The following KCNMA1 variants were observed in gnomAD, a reference collection of about 807,000 sequenced individuals.
KCNMA1 encodes the protein Calcium-activated potassium channel subunit alpha-1.
KCNMA1 carries 29 observed loss-of-function variants against 140.0 expected under a neutral mutation model. The observed-to-expected ratio is 0.21, with a 90% CI of 0.15 to 0.28. The LOEUF is 0.28. Among genes scored for constraint, KCNMA1 ranks in the 10% least tolerant of loss-of-function variants. KCNMA1 has a pLI of 1.00. For missense variants in KCNMA1, 880 were observed against 1,602.2 expected (o/e 0.55, Z 7.70); for synonymous variants, 612 against 611.9 (o/e 1.00, Z 0.00).
intron 2 of KCNMA1, among the ~76,000 whole-genome samples, chr10:77,368,370 C>T (rs1409712701): frequency 6.6e-6 from 1 of 152,076 alleles, no homozygotes; most frequent in Non-Finnish European, 1.5e-5. Flanking sequence ...AGTCTTTTGC[C>T]CATTTTCCAG....
At chr10:77,532,349 G>T (rs929478448) in intron 1 of KCNMA1, among the ~76,000 whole-genome samples, 137 of 152,322 alleles carry the variant, frequency 9.0e-4, no homozygotes, top group Non-Finnish European at 2.8e-4. Flanking sequence ...GATTCTCCCC[G>T]CCAGTACAGT....
At chr10:77,412,107 G>A (rs2096633045) in intron 1 of KCNMA1, among the ~76,000 whole-genome samples, 1 of 152,202 alleles carries the variant, frequency 6.6e-6, no homozygotes, top group African/African-American at 2.4e-5. Flanking sequence ...AGCCCTTTTG[G>A]GACCAGAGTA....
At chr10:77,401,672 T>C (rs1348457375) in intron 2 of KCNMA1, among the ~76,000 whole-genome samples, 1 of 152,218 alleles carries the variant, frequency 6.6e-6, no homozygotes, top group Non-Finnish European at 1.5e-5. Context: ...TAAGTATTCT[T>C]CACAAATTCC....
intron 20 of KCNMA1, among the ~76,000 whole-genome samples, chr10:76,957,832 T>C (rs182723087): frequency 6.6e-6 from 1 of 152,332 alleles, no homozygotes; most frequent in Admixed American, 6.5e-5. Context: ...ACACACTCAC[T>C]GGATTTCACA....
chr10:77,026,972 A>C (rs2153522436), intron 16 of KCNMA1, among the ~76,000 whole-genome samples: 1 of 152,358 alleles, frequency 6.6e-6, no homozygotes, highest in East Asian at 1.9e-4. Flanking sequence ...GGGCATCTGC[A>C]GGATCAAAAA....
rs2067279545 is a variant in KCNMA1 at position 77,278,288 on chromosome 10, GACAA to G, written c.541-27036_541-27033del. On this transcript the variant is annotated intron_variant, in intron 2 of 27. Transcript: ENST00000286628. ...AGACAAAATAAATGCCCAACAGATAGACAAACAACCATATCAGACCATTTAACCA... is the reference window on the plus strand; with the variant it reads ...AGACAAAATAAATGCCCAACAGATAGACAACCATATCAGACCATTTAACCA... 4.6e-5 allele frequency among the ~76,000 whole-genome samples: 7 copies of G among 152,220 alleles called. No homozygotes were observed. The South Asian group carries it at 1.5e-3, about 32-fold the overall frequency.
intron 1 of KCNMA1, among the ~76,000 whole-genome samples, chr10:77,589,094 A>G (rs1208401524): frequency 6.6e-6 from 1 of 152,252 alleles, no homozygotes; most frequent in Non-Finnish European, 1.5e-5. Context: ...AACTTTATTT[A>G]CAAAACATGC....
intron 1 of KCNMA1, among the ~76,000 whole-genome samples, chr10:77,488,626 C>T (rs2098490805): frequency 6.6e-6 from 1 of 152,094 alleles, no homozygotes; most frequent in Non-Finnish European, 1.5e-5. Flanking sequence ...CCCATCATTT[C>T]CCCCTGTATT....
At chr10:77,626,813 C>T (rs555440314) in intron 1 of KCNMA1, among the ~76,000 whole-genome samples, 22 of 152,300 alleles carry the variant, frequency 1.4e-4, no homozygotes, top group African/African-American at 4.8e-4. Context: ...TCATTCTACC[C>T]ACTGGTAGAA....
chr10:77,423,036 G>A (rs1294536146), intron 1 of KCNMA1, among the ~76,000 whole-genome samples: 1 of 152,234 alleles, frequency 6.6e-6, no homozygotes, highest in East Asian at 1.9e-4. Flanking sequence ...GTGTCCACAT[G>A]AACTCTGAAG....
rs191752876 is a variant in KCNMA1, at chr10:76,944,651, C to T, written c.2902+122G>A. 8.2e-5 allele frequency: 72 copies of T among 874,810 alleles called. No homozygotes were observed. The East Asian group carries it at 1.3e-3, about 16-fold the overall frequency. 54.2% of individuals were successfully genotyped at this position (874,810 alleles called of 1,614,324 possible). Reference sequence around the variant, plus strand: ...CCCCTTTGAAAGCCATCATGGTGACCGCAGGTTTCACTGCCAGGCAGGCTG... The same window carrying T: ...CCCCTTTGAAAGCCATCATGGTGACTGCAGGTTTCACTGCCAGGCAGGCTG... On this transcript the variant is annotated intron_variant, in intron 23 of 27. Coordinates refer to ENST00000286628, the MANE Select transcript of KCNMA1 (RefSeq NM_001161352.2).
At chr10:77,102,175 T>G (rs2097113501) in intron 9 of KCNMA1, among the ~76,000 whole-genome samples, 1 of 152,182 alleles carries the variant, frequency 6.6e-6, no homozygotes, top group Non-Finnish European at 1.5e-5. Flanking sequence ...TCGTGTTAAT[T>G]CCTTTAAGGT....
At chr10:77,236,169 G>A (rs2055372583) in intron 3 of KCNMA1, among the ~76,000 whole-genome samples, 1 of 152,114 alleles carries the variant, frequency 6.6e-6, no homozygotes, top group Non-Finnish European at 1.5e-5. Flanking sequence ...TCGATTGACA[G>A]TACTCCTTGC....
chr10:77,466,125 A>T (rs769508835), intron 1 of KCNMA1, among the ~76,000 whole-genome samples: 5 of 152,028 alleles, frequency 3.3e-5, no homozygotes, highest in Non-Finnish European at 7.4e-5. Flanking sequence ...CCTGGCCCAG[A>T]CCTCTCTGCC....
chr10:77,585,592 T>A (rs2077063697), intron 1 of KCNMA1, among the ~76,000 whole-genome samples: 1 of 152,220 alleles, frequency 6.6e-6, no homozygotes, highest in African/African-American at 2.4e-5. Context: ...CCAGCTTTTC[T>A]GTTCTCATCA....
intron 10 of KCNMA1, among the ~76,000 whole-genome samples, chr10:77,087,133 C>T (rs550302484): frequency 2.6e-5 from 4 of 152,232 alleles, no homozygotes; most frequent in Non-Finnish European, 4.4e-5. Context: ...TCTTTCCTGC[C>T]GGCTTGAACT....
At chr10:77,481,550 G>A (rs566670629) in intron 1 of KCNMA1, among the ~76,000 whole-genome samples, 33 of 152,036 alleles carry the variant, frequency 2.2e-4, no homozygotes, top group Non-Finnish European at 4.4e-4. Flanking sequence ...CGAGACGGGC[G>A]GATCACAAGG....
intron 1 of KCNMA1, among the ~76,000 whole-genome samples, chr10:77,537,820 G>A (rs1392790050): frequency 6.6e-6 from 1 of 151,972 alleles, no homozygotes; most frequent in East Asian, 1.9e-4. Flanking sequence ...ACTGCAACAC[G>A]CTGCCTGCTC....
At chr10:77,333,122 G>A (rs2087161834) in intron 2 of KCNMA1, among the ~76,000 whole-genome samples, 3 of 152,252 alleles carry the variant, frequency 2.0e-5, no homozygotes, top group East Asian at 1.9e-4. Context: ...CAGCCCATTC[G>A]AGAAGGCAAA....
Sources: gnomAD v4.1 joint callset for allele counts (sites outside exome capture counted in the v4.1 genomes callset) on GRCh38, gnomAD v4.1.1 for gene constraint, MANE v1.5 for transcripts, NCBI Gene and HGNC (gene_info 2026-07-23, HGNC 2026-07-21) for gene names.